ASTN2: variants seen among roughly 807,000 people sequenced by gnomAD.
ASTN2 encodes astrotactin-2.
ASTN2 carries 54 observed loss-of-function variants against 139.8 expected under a neutral mutation model. That is an observed-to-expected ratio of 0.39 (90% confidence interval 0.31 to 0.48). The LOEUF (loss-of-function observed/expected upper bound fraction) is 0.48, where lower values mean the gene tolerates loss of function less well. Among genes scored for constraint, ASTN2 ranks in the 20% least tolerant of loss-of-function variants. The probability of loss-of-function intolerance (pLI) is 0.95; values close to 1 mark genes in which losing one functional copy is unlikely to be tolerated. For missense variants in ASTN2, 1,565 were observed against 1,725.1 expected, an observed-to-expected ratio of 0.91 and a Z score of 1.64; for synonymous variants, 756 against 719.5, an observed-to-expected ratio of 1.05 and a Z score of -0.81.
chr9:117,195,840 G>A (rs148422114), intron 3 of ASTN2, among the ~76,000 whole-genome samples: 4 of 152,154 alleles, frequency 2.6e-5, no homozygotes, highest in South Asian at 2.1e-4. Context: ...GCACCCTTGG[G>A]GACCACTCGA....
intron 16 of ASTN2, among the ~76,000 whole-genome samples, chr9:116,679,878 G>T (rs2132016143): frequency 6.6e-6 from 1 of 152,304 alleles, no homozygotes; most frequent in East Asian, 1.9e-4. Flanking sequence ...AAAGCAGTGT[G>T]TAGAGGGAAA....
At chr9:116,433,092 C>T (rs535697170) in intron 22 of ASTN2, among the ~76,000 whole-genome samples, 7 of 152,166 alleles carry the variant, frequency 4.6e-5, no homozygotes, top group African/African-American at 7.2e-5. Context: ...ATAAAAGCAT[C>T]ATGTGGACCT....
At chr9:116,457,903 T>A (rs991419574) in intron 20 of ASTN2, among the ~76,000 whole-genome samples, 1 of 152,120 alleles carries the variant, frequency 6.6e-6, no homozygotes, top group Non-Finnish European at 1.5e-5. Context: ...TGTACTCCCA[T>A]GTTTATTTCA....
chr9:117,227,715 A>T (rs1442644184), intron 2 of ASTN2, among the ~76,000 whole-genome samples: 4 of 152,206 alleles, frequency 2.6e-5, no homozygotes, highest in Non-Finnish European at 2.9e-5. Context: ...ATGAAGACAC[A>T]AATGTGATAA....
chr9:116,652,254 A>T (rs2131930201), intron 16 of ASTN2, among the ~76,000 whole-genome samples: 1 of 152,312 alleles, frequency 6.6e-6, no homozygotes, highest in Non-Finnish European at 1.5e-5. Flanking sequence ...TGAACCCAGG[A>T]AGCAGAGGTT....
intron 16 of ASTN2, 103 bp downstream of exon 16, chr9:116,725,667 TG>T: frequency 8.3e-7 from 1 of 1,205,448 alleles, no homozygotes; most frequent in Non-Finnish European, 1.2e-6. Context: ...AGCTTAGACG[TG>T]GCAGAGCCAG....
At chr9:116,855,547 G>T (rs1182740187) in intron 11 of ASTN2, among the ~76,000 whole-genome samples, 1 of 152,198 alleles carries the variant, frequency 6.6e-6, no homozygotes, top group African/African-American at 2.4e-5. Flanking sequence ...CAGTGGAGGA[G>T]AAATAAATAC....
intron 10 of ASTN2, among the ~76,000 whole-genome samples, chr9:116,878,415 G>A (rs896364539): frequency 1.3e-5 from 2 of 152,176 alleles, no homozygotes; most frequent in Non-Finnish European, 2.9e-5. Flanking sequence ...ACAGTTGGAG[G>A]TGGAAGCCAT....
intron 16 of ASTN2, among the ~76,000 whole-genome samples, chr9:116,684,693 C>T (rs904917784): frequency 1.3e-5 from 2 of 152,182 alleles, no homozygotes; most frequent in East Asian, 3.8e-4. Context: ...TTGGGGTTGA[C>T]TCCCATTCCC....
intron 10 of ASTN2, among the ~76,000 whole-genome samples, chr9:116,946,930 TTTTGTC>T (rs1835411911): frequency 1.2e-5 from 1 of 81,042 alleles, no homozygotes; most frequent in African/African-American, 4.8e-5. Flanking sequence ...AAGTACACAT[TTTTGTC>T]AAAAAAAAAA....
intron 2 of ASTN2, among the ~76,000 whole-genome samples, chr9:117,285,184 C>G (rs1440280640): frequency 6.6e-6 from 1 of 152,114 alleles, no homozygotes; most frequent in Non-Finnish European, 1.5e-5. Context: ...GTTCAGAAAC[C>G]TAGCCTTTTA....
intron 4 of ASTN2, among the ~76,000 whole-genome samples, chr9:117,098,074 C>T (rs1828881736): frequency 2.0e-5 from 3 of 152,156 alleles, no homozygotes; most frequent in South Asian, 4.1e-4. Flanking sequence ...AGTTAAGCTT[C>T]GAGGCTAGTC....
At chr9:117,210,383 A>G (rs942417400) in intron 3 of ASTN2, among the ~76,000 whole-genome samples, 1 of 152,174 alleles carries the variant, frequency 6.6e-6, no homozygotes, top group African/African-American at 2.4e-5. Context: ...TATCACAGAA[A>G]TACAAAATGA....
At chr9:117,217,652 A>G (rs1588093940) in intron 2 of ASTN2, among the ~76,000 whole-genome samples, 1 of 152,228 alleles carries the variant, frequency 6.6e-6, no homozygotes, top group African/African-American at 2.4e-5. Flanking sequence ...AAACAAGGAC[A>G]AGAGTCATAA....
At chr9:116,782,538 C>A (rs748559941) in intron 13 of ASTN2, among the ~76,000 whole-genome samples, 2 of 152,122 alleles carry the variant, frequency 1.3e-5, no homozygotes, top group Non-Finnish European at 2.9e-5. Flanking sequence ...GGGACTGCCA[C>A]CCACTCTGGA....
intron 19 of ASTN2, among the ~76,000 whole-genome samples, chr9:116,511,983 T>A (rs902829776): frequency 1.3e-5 from 2 of 152,104 alleles, no homozygotes; most frequent in African/African-American, 4.8e-5. Context: ...TTTTGAAGGG[T>A]TTTTCGTGTC....
chr9:116,929,456 G>T (rs1457767373), intron 10 of ASTN2, among the ~76,000 whole-genome samples: 1 of 152,126 alleles, frequency 6.6e-6, no homozygotes, highest in Non-Finnish European at 1.5e-5. Context: ...GAGGCACTGA[G>T]ACTTTTTTTG....
chr9:117,296,657 G>C (rs1460238539), intron 1 of ASTN2, among the ~76,000 whole-genome samples: 3 of 152,218 alleles, frequency 2.0e-5, no homozygotes, highest in Non-Finnish European at 2.9e-5. Flanking sequence ...AGATTATGCT[G>C]ACATGATGAA....
chr9:117,279,391 A>G (rs964462541), intron 2 of ASTN2, among the ~76,000 whole-genome samples: 1 of 152,222 alleles, frequency 6.6e-6, no homozygotes, highest in African/African-American at 2.4e-5. Flanking sequence ...CGGAACAGTA[A>G]AAACAGCAAT....
Sources: allele counts gnomAD v4.1 joint callset (sites outside exome capture counted in the v4.1 genomes callset), GRCh38; gene constraint gnomAD v4.1.1; transcripts MANE v1.5; gene names NCBI Gene and HGNC (gene_info 2026-07-23, HGNC 2026-07-21).